Variants in ALS2 observed in about 807,000 individuals in gnomAD.
ALS2 encodes the protein alsin Rho guanine nucleotide exchange factor ALS2.
A neutral mutation model predicts 203.4 loss-of-function variants in ALS2; 117 were observed. That is an observed-to-expected ratio of 0.58 (90% CI 0.50 to 0.67). The LOEUF (loss-of-function observed/expected upper bound fraction) is 0.67. Among genes scored for constraint, ALS2 ranks in the 30% least tolerant of loss-of-function variants. ALS2 has a pLI of 0.00. For missense variants in ALS2, 1,715 were observed against 1,989.4 expected (o/e 0.86, Z 2.62); for synonymous variants, 718 against 725.9 (o/e 0.99, Z 0.17).
intron 8 of ALS2, among the ~76,000 whole-genome samples, chr2:201,747,268 C>T (rs1425450968): frequency 4.6e-5 from 7 of 152,112 alleles, no homozygotes; most frequent in Admixed American, 1.3e-4. Flanking sequence ...CTTTACTGTG[C>T]CTACTCCCAG....
At chr2:201,734,678 C>T (rs1691773262) in intron 12 of ALS2, among the ~76,000 whole-genome samples, 1 of 152,082 alleles carries the variant, frequency 6.6e-6, no homozygotes, top group Non-Finnish European at 1.5e-5. Context: ...CTCCTCAATA[C>T]CCAGTACCCA....
Position 201,715,745 on chromosome 2 carries a change from G to C in ALS2, c.3931C>G (p.Gln1311Glu). The C allele has an allele frequency of 6.2e-7, 1 of 1,614,154 alleles. No individual in the cohort carries two copies. The highest frequency in any genetic ancestry group is 8.5e-7 in the Non-Finnish European group (1 of 1,180,032). ...WRQLGCEGPG[Q>E]GEVWKAWDNI... ...TCCCATGCTTTCCAAACTTCCCCTT[G>C]GCCTGGGCCCTCACAGCCCAGTTGG... The change falls in exon 25 of 34, where the codon CAA becomes GAA. Residue 1311 changes from glutamine (Q) to glutamate (E), a missense_variant. By Grantham distance (29) the Gln-to-Glu change is conservative. This residue lies in a region of ALS2 where 1,227 missense variants were observed against 1,413.5 expected (regional missense o/e 0.87). Transcript: ENST00000264276.
intron 22 of ALS2, 26 bp from the exon 23 acceptor site, chr2:201,723,146 T>A (rs777482316): frequency 1.3e-6 from 2 of 1,570,482 alleles, no homozygotes; most frequent in Non-Finnish European, 1.8e-6. Context: ...AGAGAAAAAT[T>A]ACAACACATA....
chr2:201,753,082 T>G, intron 7 of ALS2, 64 bp downstream of exon 7: 1 of 1,247,014 alleles, frequency 8.0e-7, no homozygotes, highest in Non-Finnish European at 1.2e-6. Context: ...CAAATGAGGG[T>G]CCAACAATGT....
rs986929294 is a variant in ALS2, at chr2:201,761,585, C to T, written c.409G>A (p.Val137Ile). 4.3e-6 allele frequency: 7 copies of T among 1,614,086 alleles called. No individual in the cohort carries two copies. The highest frequency in any genetic ancestry group is 8.5e-7 in the Non-Finnish European group (1 of 1,180,040). ...NQQYVPEPNPVSIADSEASPL... is the reference protein window; with the variant it reads ...NQQYVPEPNPISIADSEASPL... ...CTGGCCTCAGAATCAGCAATGCTGA[C>T]AGGATTTGGTTCCGGCACATACTGC... is the stretch of plus-strand genomic sequence containing the variant. Residue 137 changes from valine to isoleucine, a missense_variant, in exon 4 of 34, where the codon GTC (valine) becomes ATC (isoleucine). Val to Ile is a conservative substitution (Grantham distance 29, BLOSUM62 3). This residue lies in a region of ALS2 where 476 missense variants were observed against 539.3 expected (regional missense o/e 0.88). Coordinates refer to ENST00000264276, the MANE Select transcript of ALS2 (RefSeq NM_020919.4).
Position 201,725,460 on chromosome 2 carries a change from A to G in ALS2, c.3249-6T>C, listed in dbSNP as rs757393391. 1.9e-6 allele frequency: 3 copies of G among 1,607,880 alleles called. No individual in the cohort carries two copies. Among genetic ancestry groups the G allele is most frequent in the South Asian group, 2.2e-5 (2 of 90,960 alleles). On this transcript the variant is annotated splice_region_variant and splice_polypyrimidine_tract_variant and intron_variant, in intron 19 of 33. Transcript: ENST00000264276. ...GGATTCTGTATTCTCCATACCTGCC[A>G]TGAAAAAGAAAAAATAACAAAAGAA...
intron 13 of ALS2, among the ~76,000 whole-genome samples, chr2:201,731,627 A>G (rs895761643): frequency 4.6e-5 from 7 of 152,238 alleles, no homozygotes; most frequent in African/African-American, 7.2e-5. Flanking sequence ...AAAAATACAT[A>G]TATGTGTACA....
chr2:201,748,407 G>A (rs1013548648), intron 8 of ALS2, among the ~76,000 whole-genome samples: 2 of 152,122 alleles, frequency 1.3e-5, no homozygotes, highest in Admixed American at 1.3e-4. Context: ...AATTCTCACA[G>A]ATTAATCAGG....
rs377354492 is a variant in ALS2, at chr2:201,706,929, G to A, written c.4497C>T (p.Arg1499=). ...CACATTCCCAGTAAATGTCTTCCTC[G>A]CGATCATTATCCAAAGCATAAAGCA... is the stretch of plus-strand genomic sequence containing the variant. ...LFMLYALDND[R]EEDIYWECVL... The change falls in exon 29 of 34, where the codon CGC becomes CGT. Residue 1499 remains arginine, a synonymous_variant. Transcript: ENST00000264276. 2.5e-6 allele frequency: 4 copies of A among 1,613,942 alleles called. No individual in the cohort carries two copies. The highest frequency in any genetic ancestry group is 1.1e-5 in the South Asian group (1 of 91,090).
chr2:201,760,094 G>T, intron 4 of ALS2: 1 of 839,282 alleles, frequency 1.2e-6, no homozygotes, highest in Non-Finnish European at 1.4e-6. Flanking sequence ...AGGCTGAGGT[G>T]GGAGGATTGC....
intron 1 of ALS2, among the ~76,000 whole-genome samples, chr2:201,778,699 A>C (rs929226606): frequency 6.6e-6 from 1 of 152,344 alleles, no homozygotes; most frequent in East Asian, 1.9e-4. Context: ...AGAGAAAAAA[A>C]TCTGTTAAAA....
rs1690341372 is a variant in ALS2 at position 201,715,736 on chromosome 2, C to A, written c.3940G>T (p.Val1314Phe). Residue 1314 changes from valine to phenylalanine, a missense_variant, in exon 25 of 34, where the codon GTT becomes TTT. This residue lies in a region of ALS2 where 1,227 missense variants were observed against 1,413.5 expected (regional missense o/e 0.87). Transcript: ENST00000264276. ...GCAATATTGTCCCATGCTTTCCAAACTTCCCCTTGGCCTGGGCCCTCACAG... is the reference window on the plus strand; with the variant it reads ...GCAATATTGTCCCATGCTTTCCAAAATTCCCCTTGGCCTGGGCCCTCACAG... ...LGCEGPGQGEVWKAWDNIAVA... is the reference protein window; with the variant it reads ...LGCEGPGQGEFWKAWDNIAVA... 1 of 1,614,248 alleles carries A rather than the reference C, an allele frequency of 6.2e-7. No homozygotes were observed. The highest frequency in any genetic ancestry group is 8.5e-7 in the Non-Finnish European group (1 of 1,180,046).
At chr2:201,757,302 C>T (rs1442943108) in intron 5 of ALS2, 100 bp downstream of exon 5, 1 of 985,450 alleles carries the variant, frequency 1.0e-6, no homozygotes, top group African/African-American at 1.6e-5. Flanking sequence ...AATATGTCAG[C>T]TTCATAATTA....
chr2:201,734,393 T>C (rs949137284), intron 12 of ALS2, among the ~76,000 whole-genome samples: 3 of 151,684 alleles, frequency 2.0e-5, no homozygotes, highest in African/African-American at 7.3e-5. Context: ...GAGAATCATT[T>C]GAGCACAGGA....
At chr2:201,767,919 T>C (rs1181241410) in intron 2 of ALS2, among the ~76,000 whole-genome samples, 1 of 151,870 alleles carries the variant, frequency 6.6e-6, no homozygotes, top group East Asian at 1.9e-4. Flanking sequence ...ACAAATTACT[T>C]TTCTCCATCT....
intron 9 of ALS2, among the ~76,000 whole-genome samples, chr2:201,746,097 AG>A (rs1478622251): frequency 6.6e-6 from 1 of 152,206 alleles, no homozygotes; most frequent in Non-Finnish European, 1.5e-5. Context: ...CTTAATAGTT[AG>A]AAATTCATCT....
intron 2 of ALS2, among the ~76,000 whole-genome samples, chr2:201,768,057 A>C (rs73055623): frequency 0.085 from 12,986 of 152,216 alleles, 626 homozygotes; most frequent in East Asian, 0.23. Context: ...GCCCAAGTTG[A>C]AGTCTTATCA....
At position 201,757,528 on chromosome 2, in the gene ALS2, T is replaced by C. The variant is rs750522529; in HGVS notation, c.1345A>G (p.Ser449Gly). The change falls in exon 5 of 34, where the codon AGC (serine) becomes GGC (glycine). Residue 449 changes from serine (S) to glycine (G), a missense_variant. This residue lies in a region of ALS2 where 476 missense variants were observed against 539.3 expected (regional missense o/e 0.88). Coordinates refer to ENST00000264276, the MANE Select transcript of ALS2 (RefSeq NM_020919.4). ...SAIGPEGLKD[S>G]REEQVKQESM... ...TCCTGTTTAACCTGTTCTTCCCTGC[T>C]ATCTTTCAAACCTTCGGGGCCAATG... 1 of 1,614,176 alleles carries C rather than the reference T, an allele frequency of 6.2e-7. No individual in the cohort carries two copies. The highest frequency in any genetic ancestry group is 8.5e-7 in the Non-Finnish European group (1 of 1,180,016).
At chr2:201,766,663 TAAAAA>T (rs1173568540) in intron 3 of ALS2, among the ~76,000 whole-genome samples, 1 of 142,414 alleles carries the variant, frequency 7.0e-6, no homozygotes, top group African/African-American at 2.5e-5. Context: ...AAAAATAAAA[TAAAAA>T]AAAGCAAAGA....
Sources: gnomAD v4.1 joint callset for allele counts (sites outside exome capture counted in the v4.1 genomes callset) on GRCh38, gnomAD v4.1.1 for gene constraint, gnomAD v4.1.1 regional missense constraint, MANE v1.5 for transcripts, NCBI Gene and HGNC (gene_info 2026-07-23, HGNC 2026-07-21) for gene names.